AMZ1: variants seen among roughly 807,000 people sequenced by gnomAD.
The protein encoded by AMZ1 is archaelysin family metallopeptidase 1.
In AMZ1, 39 loss-of-function variants were observed where a neutral mutation model predicts 29.9. The observed-to-expected ratio is 1.30, with a 90% CI of 1.01 to 1.70. The LOEUF is 1.70. AMZ1 is among the 40% of genes most tolerant of loss of function. The probability of loss-of-function intolerance (pLI) is 0.00; values close to 1 mark genes in which losing one functional copy is unlikely to be tolerated. For missense variants in AMZ1, 1,041 were observed against 680.6 expected (o/e 1.53, Z -5.89); for synonymous variants, 458 against 304.0 (o/e 1.51, Z -5.27).
chr7:2,734,831 C>A (rs909271359), intron 4 of AMZ1, among the ~76,000 whole-genome samples: 1 of 152,122 alleles, frequency 6.6e-6, no homozygotes, highest in Admixed American at 6.5e-5. Context: ...ACGTGCACCT[C>A]GTGACCACCG....
At chr7:2,682,890 C>T (rs146152926) in intron 1 of AMZ1, among the ~76,000 whole-genome samples, 1 of 152,212 alleles carries the variant, frequency 6.6e-6, no homozygotes, top group African/African-American at 2.4e-5. Flanking sequence ...CCTGGCACAC[C>T]CCCATCTCTG....
At chr7:2,726,353 G>C (rs184545891) in intron 4 of AMZ1, among the ~76,000 whole-genome samples, 1 of 152,254 alleles carries the variant, frequency 6.6e-6, no homozygotes, top group East Asian at 1.9e-4. Flanking sequence ...AACCTGGAAG[G>C]AACCTCCCAG....
chr7:2,693,898 C>T (rs1362999915), intron 1 of AMZ1, among the ~76,000 whole-genome samples: 1 of 152,186 alleles, frequency 6.6e-6, no homozygotes, highest in South Asian at 2.1e-4. Flanking sequence ...TCTAACCTAC[C>T]TTCTATGCTA....
intron 1 of AMZ1, among the ~76,000 whole-genome samples, chr7:2,696,481 T>A (rs185916428): frequency 0.22 from 32,611 of 149,884 alleles, 4,411 homozygotes; most frequent in Middle Eastern, 0.37. Flanking sequence ...ATGGTCTCGA[T>A]CTCCTGACCT....
intron 1 of AMZ1, among the ~76,000 whole-genome samples, chr7:2,698,336 G>T (rs1787858701): frequency 6.6e-6 from 1 of 152,204 alleles, no homozygotes; most frequent in Admixed American, 6.5e-5. Flanking sequence ...TCAGGAGTTT[G>T]AGACCAGCCT....
intron 1 of AMZ1, among the ~76,000 whole-genome samples, chr7:2,692,425 C>T (rs1418733231): frequency 6.6e-6 from 1 of 152,204 alleles, no homozygotes; most frequent in East Asian, 1.9e-4. Context: ...GCCTTTAGTC[C>T]CAGCTATTCG....
At position 2,712,354 on chromosome 7, in the gene AMZ1, G is replaced by C; in HGVS notation, c.973G>C (p.Val325Leu). The C allele has an allele frequency of 6.3e-7, 1 of 1,597,938 alleles. No homozygotes were observed. The highest frequency in any genetic ancestry group is 8.5e-7 in the Non-Finnish European group (1 of 1,171,814). Residue 325 changes from valine to leucine, a missense_variant, in exon 7 of 7, where the codon GTG (valine) becomes CTG (leucine). Physicochemically the swap from Val to Leu is conservative, Grantham distance 32 (BLOSUM62 1). Transcript: ENST00000683327. ...GAGACTCTACACCTGGACTCAGGCG[G>C]TGGTGGGGACGTGGCCCAGCCAGGA... ...YQRLYTWTQA[V>L]VGTWPSQEAG...
rs1253396106 is a variant in AMZ1 at position 2,693,163 on chromosome 7, G to A, written c.-219+4867G>A. ...GTTGCCCAGGCCGGAGTGCAGTGGC[G>A]CGATTTCGGCTCACCGCAACCTCCG... On this transcript the variant is annotated intron_variant, in intron 1 of 6. Coordinates refer to ENST00000683327, the MANE Select transcript of AMZ1 (RefSeq NM_001384743.1). 6.6e-5 allele frequency among the ~76,000 whole-genome samples: 10 copies of A among 152,332 alleles called. No homozygotes were observed. In the Middle Eastern group the frequency reaches 0.01, roughly 155 times the overall value.
chr7:2,706,921 ACTG>A (rs1703434679), intron 3 of AMZ1, among the ~76,000 whole-genome samples: 1 of 150,748 alleles, frequency 6.6e-6, no homozygotes, highest in Non-Finnish European at 1.5e-5. Flanking sequence ...GGAGGTGGAG[ACTG>A]CAGCGTGAGC....
intron 3 of AMZ1, 30 bp downstream of exon 3, chr7:2,702,919 C>G: frequency 6.4e-7 from 1 of 1,553,414 alleles, no homozygotes; most frequent in Non-Finnish European, 8.6e-7. Context: ...GCCGCTCAGG[C>G]CAAGGCAGGC....
At chr7:2,736,410 C>T (rs2693566) in intron 4 of AMZ1, among the ~76,000 whole-genome samples, 9 of 151,960 alleles carry the variant, frequency 5.9e-5, no homozygotes, top group South Asian at 4.1e-4. Context: ...CTGGGGCCAG[C>T]GGCCACTGAG....
chr7:2,752,241 G>T (rs1431958149), intron 4 of AMZ1, among the ~76,000 whole-genome samples: 1 of 151,780 alleles, frequency 6.6e-6, no homozygotes, highest in Non-Finnish European at 1.5e-5. Context: ...ACATGCTCAG[G>T]GCTTAAAAAA....
chr7:2,749,997 A>G (rs970527852), intron 4 of AMZ1, among the ~76,000 whole-genome samples: 2 of 152,240 alleles, frequency 1.3e-5, no homozygotes, highest in African/African-American at 4.8e-5. Context: ...TTAGAAGCAG[A>G]AAACTTTCCA....
intron 4 of AMZ1, among the ~76,000 whole-genome samples, chr7:2,733,939 A>G (rs1790030697): frequency 6.6e-6 from 1 of 152,254 alleles, no homozygotes; most frequent in Non-Finnish European, 1.5e-5. Context: ...ATTGTCCTTA[A>G]AGACAAAACA....
At chr7:2,720,445 C>G (rs145191147), downstream of AMZ1, among the ~76,000 whole-genome samples, 1 of 152,092 alleles carries the variant, frequency 6.6e-6, no homozygotes, top group Admixed American at 6.6e-5. Flanking sequence ...TCTGTGTTGC[C>G]CAGGCTGGAG....
chr7:2,714,805 ATCT>A lies in AMZ1; in HGVS notation c.*1932_*1934del, dbSNP rs1469018711. The A allele has an allele frequency of 2.0e-5, 3 of 152,258 alleles. No individual in the cohort carries two copies. The highest frequency in any genetic ancestry group is 4.4e-5 in the Non-Finnish European group (3 of 68,012). The allele number at this position is 152,258 out of a possible 1,614,324, so 9.4% of individuals were successfully genotyped here. A position where few individuals can be genotyped will look rare whatever the true frequency, so the allele number is the denominator to read the frequency against. ...GTGAGACTCTCCATGGAGGAGGGGC[ATCT>A]TCTTAGGAAGGCAGCTGCCATACCG... On this transcript the variant is annotated 3_prime_UTR_variant, in exon 7 of 7. Transcript: ENST00000683327.
At position 2,753,504 on chromosome 7, in the gene AMZ1, T is replaced by G. The variant is rs576362038; in HGVS notation, n.551-11208T>G. ...TGTCCTTGGGATCTGCTCACACTGT[T>G]GCATCTGTCAGTAGCTTGCCCCTTT... On this transcript the variant is annotated intron_variant and non_coding_transcript_variant, in intron 4 of 4. Coordinates refer to the AMZ1 transcript ENST00000489665. Among the ~76,000 whole-genome samples the G allele has an allele frequency of 4.6e-5, 7 of 152,332 alleles. No homozygotes were observed. The South Asian group carries it at 8.3e-4, about 18-fold the overall frequency.
chr7:2,764,451 T>A (rs1163603011), upstream of AMZ1, among the ~76,000 whole-genome samples: 1 of 152,162 alleles, frequency 6.6e-6, no homozygotes, highest in East Asian at 1.9e-4. Flanking sequence ...AGATTCCGTA[T>A]GAAGTCTATT....
At chr7:2,762,749 T>A (rs1048828300), upstream of AMZ1, 1 of 1,553,036 alleles carries the variant, frequency 6.4e-7, no homozygotes, top group African/African-American at 1.4e-5. Context: ...CCGCAGGAAG[T>A]GCACCAGGCC....
Sources: allele counts gnomAD v4.1 joint callset (sites outside exome capture counted in the v4.1 genomes callset), GRCh38; gene constraint gnomAD v4.1.1; transcripts MANE v1.5; gene names NCBI Gene and HGNC (gene_info 2026-07-23, HGNC 2026-07-21).